Variants in PBX3 observed in about 807,000 individuals in gnomAD.
PBX3 encodes the protein PBX homeobox 3.
Under a neutral mutation model 48.5 loss-of-function variants are expected in PBX3, and 14 were observed. The ratio of observed to expected loss-of-function variants is 0.29; its 90% CI spans 0.19 to 0.45. The LOEUF (loss-of-function observed/expected upper bound fraction) is 0.45, where lower values mean the gene tolerates loss of function less well. Among genes scored for constraint, PBX3 ranks in the 20% least tolerant of loss-of-function variants. The probability of loss-of-function intolerance (pLI) is 1.00; values close to 1 mark genes in which losing one functional copy is unlikely to be tolerated. For synonymous variants in PBX3, 210 were observed against 200.3 expected (o/e 1.05, Z -0.41); for missense variants, 386 against 546.7 (o/e 0.71, Z 2.93).
intron 2 of PBX3, among the ~76,000 whole-genome samples, chr9:125,779,945 C>T (rs1352910808): frequency 8.2e-6 from 1 of 122,284 alleles, no homozygotes; most frequent in Non-Finnish European, 1.7e-5. Flanking sequence ...GGGCTGACCC[C>T]CCACCTCCCT....
chr9:125,890,855 A>G lies in PBX3; in HGVS notation c.275-24831A>G, dbSNP rs556647301. 2.1e-3 allele frequency among the ~76,000 whole-genome samples: 316 copies of G among 152,336 alleles called. 1 individual carries two copies. Among genetic ancestry groups the G allele is most frequent in the Non-Finnish European group, 3.5e-3 (237 of 68,036 alleles). On this transcript the variant is annotated intron_variant, in intron 2 of 8. Coordinates refer to ENST00000373489, the MANE Select transcript of PBX3 (RefSeq NM_006195.6). ...TTGCCCCTTTTTAGATTAACAAAAC[A>G]GTTCCATGGTAATATTTTGTGCTTT...
intron 2 of PBX3, among the ~76,000 whole-genome samples, chr9:125,807,702 T>G (rs932110135): frequency 6.6e-6 from 1 of 152,224 alleles, no homozygotes; most frequent in African/African-American, 2.4e-5. Context: ...AACATGTTTT[T>G]TTTTTATTGT....
intron 2 of PBX3, among the ~76,000 whole-genome samples, chr9:125,842,515 C>T (rs2132233373): frequency 6.6e-6 from 1 of 152,242 alleles, no homozygotes; most frequent in South Asian, 2.1e-4. Context: ...ATAGCAGCTT[C>T]AGTTAAAAAA....
At chr9:125,878,457 GGT>G (rs1840307104) in intron 2 of PBX3, among the ~76,000 whole-genome samples, 1 of 152,288 alleles carries the variant, frequency 6.6e-6, no homozygotes, top group African/African-American at 2.4e-5. Context: ...CAGCTGACTG[GGT>G]GTATACCCTT....
chr9:125,818,715 A>T (rs1329690474), intron 2 of PBX3, among the ~76,000 whole-genome samples: 1 of 152,038 alleles, frequency 6.6e-6, no homozygotes, highest in East Asian at 1.9e-4. Context: ...GCTGGTCTTG[A>T]ACTCCTGGGC....
chr9:125,820,024 A>G (rs1355069885), intron 2 of PBX3, among the ~76,000 whole-genome samples: 1 of 152,220 alleles, frequency 6.6e-6, no homozygotes. Flanking sequence ...ATTCCTATTC[A>G]TTGTTTCTTT....
intron 3 of PBX3, among the ~76,000 whole-genome samples, chr9:125,923,393 C>G (rs534207101): frequency 6.6e-6 from 1 of 152,230 alleles, no homozygotes; most frequent in South Asian, 2.1e-4. Flanking sequence ...TGTTACGTGG[C>G]ATTAGAAACG....
chr9:125,801,901 AT>A (rs1588160238), intron 2 of PBX3, among the ~76,000 whole-genome samples: 1 of 150,956 alleles, frequency 6.6e-6, no homozygotes, highest in Non-Finnish European at 1.5e-5. Context: ...TGTATATTTC[AT>A]TTTTTTGAGG....
At chr9:125,939,040 A>G (rs1841902063) in intron 5 of PBX3, among the ~76,000 whole-genome samples, 2 of 152,210 alleles carry the variant, frequency 1.3e-5, no homozygotes, top group Non-Finnish European at 2.9e-5. Context: ...GAGTGCCCAC[A>G]AAGATAAAAC....
chr9:125,915,507 A>T (rs1294700728), intron 2 of PBX3, among the ~76,000 whole-genome samples, 179 bp from the exon 3 acceptor site: 1 of 152,172 alleles, frequency 6.6e-6, no homozygotes, highest in Non-Finnish European at 1.5e-5. Flanking sequence ...ACACTATCTT[A>T]AAAATAATTT....
At chr9:125,829,609 C>T (rs1838901544) in intron 2 of PBX3, among the ~76,000 whole-genome samples, 1 of 152,044 alleles carries the variant, frequency 6.6e-6, no homozygotes, top group South Asian at 2.1e-4. Context: ...ATATTTCCTC[C>T]ATTCACTTTG....
intron 2 of PBX3, among the ~76,000 whole-genome samples, chr9:125,880,285 C>T (rs544518495): frequency 4.6e-5 from 7 of 152,276 alleles, no homozygotes; most frequent in Admixed American, 2.6e-4. Context: ...CCTCGTGATC[C>T]GCCTGCCTCG....
chr9:125,836,175 G>C (rs951678939), intron 2 of PBX3, among the ~76,000 whole-genome samples: 1 of 152,206 alleles, frequency 6.6e-6, no homozygotes, highest in African/African-American at 2.4e-5. Flanking sequence ...GCTGGGCGCG[G>C]TGGCTCACGC....
intron 2 of PBX3, among the ~76,000 whole-genome samples, chr9:125,906,510 C>T (rs191955574): frequency 2.0e-4 from 31 of 151,964 alleles, no homozygotes; most frequent in Non-Finnish European, 3.5e-4. Flanking sequence ...AAGATGGCTA[C>T]AGGAAAGGAA....
chr9:125,822,546 A>G (rs1463939047), intron 2 of PBX3, among the ~76,000 whole-genome samples: 1 of 152,172 alleles, frequency 6.6e-6, no homozygotes, highest in Non-Finnish European at 1.5e-5. Context: ...AAACTCTAAA[A>G]TGTGTATATT....
intron 2 of PBX3, among the ~76,000 whole-genome samples, chr9:125,810,891 C>T (rs914366473): frequency 2.0e-5 from 3 of 152,146 alleles, no homozygotes; most frequent in African/African-American, 7.2e-5. Context: ...GCATTCTCTG[C>T]TCCCAAGATG....
intron 2 of PBX3, among the ~76,000 whole-genome samples, chr9:125,798,214 C>T (rs904898335): frequency 6.6e-6 from 1 of 152,138 alleles, no homozygotes; most frequent in African/African-American, 2.4e-5. Flanking sequence ...ATTACCCAGA[C>T]AGCTTGTTGT....
At chr9:125,929,062 C>T (rs963502180) in intron 3 of PBX3, among the ~76,000 whole-genome samples, 3 of 152,182 alleles carry the variant, frequency 2.0e-5, no homozygotes, top group Admixed American at 6.5e-5. Flanking sequence ...CATCTTTATC[C>T]ACCTTTCAAA....
intron 2 of PBX3, among the ~76,000 whole-genome samples, chr9:125,877,432 CT>C (rs1840281168): frequency 1.3e-5 from 2 of 152,144 alleles, no homozygotes; most frequent in African/African-American, 4.8e-5. Context: ...ATTGTAGTAT[CT>C]TCTGTCACAC....
Sources: gnomAD v4.1 joint callset for allele counts (sites outside exome capture counted in the v4.1 genomes callset) on GRCh38, gnomAD v4.1.1 for gene constraint, MANE v1.5 for transcripts, NCBI Gene and HGNC (gene_info 2026-07-23, HGNC 2026-07-21) for gene names.